Variants in ASZ1 observed in about 807,000 individuals in gnomAD.
ASZ1 encodes ankyrin repeat, SAM and basic leucine zipper domain containing 1.
In ASZ1, 67 loss-of-function variants were observed where a neutral mutation model predicts 61.8. That is an observed-to-expected ratio of 1.08 (90% CI 0.89 to 1.33). The LOEUF is 1.33. Ranked by LOEUF, ASZ1 falls within the 40% of genes most tolerant of loss-of-function variation. The probability of loss-of-function intolerance (pLI) is 0.00; values close to 1 mark genes in which losing one functional copy is unlikely to be tolerated. For synonymous variants in ASZ1, 193 were observed against 192.7 expected, an observed-to-expected ratio of 1.00 and a Z score of -0.01; for missense variants, 577 against 554.5, an observed-to-expected ratio of 1.04 and a Z score of -0.41.
chr7:117,375,901 C>T (rs1450765214), intron 10 of ASZ1, among the ~76,000 whole-genome samples: 2 of 151,974 alleles, frequency 1.3e-5, no homozygotes, highest in African/African-American at 4.8e-5. Flanking sequence ...ATCTAGATTT[C>T]TGCCTCAAGA....
intron 10 of ASZ1, among the ~76,000 whole-genome samples, chr7:117,372,234 G>A (rs1175106419): frequency 6.6e-6 from 1 of 152,154 alleles, no homozygotes; most frequent in Non-Finnish European, 1.5e-5. Context: ...TTTCTACAGA[G>A]CTAACTAGTA....
At position 117,384,781 on chromosome 7, in the gene ASZ1, T is replaced by C; in HGVS notation, c.632A>G (p.Gln211Arg). 6.2e-7 allele frequency: 1 copy of C among 1,612,138 alleles called. No homozygotes were observed. ...LLELGANKMLQTKDGKMPSEI... is the reference protein window; with the variant it reads ...LLELGANKMLRTKDGKMPSEI... ...ACTTGGCATCTTTCCATCTTTGGTT[T>C]GTAGCATTTTATTAGCTCCAAGTTC... The change falls in exon 6 of 13, where the codon CAA (glutamine) becomes CGA (arginine). Residue 211 changes from glutamine to arginine, a missense_variant. Physicochemically the swap from Gln to Arg is conservative, Grantham distance 43. Coordinates refer to ENST00000284629, the MANE Select transcript of ASZ1 (RefSeq NM_130768.3).
In ASZ1 at chr7:117,379,902, C is replaced by T. The variant is rs374967325; in HGVS notation, c.1055+36G>A. ...ACTAAAAAGAACAATTGGTTCTTAA[C>T]ACTATTAATAATATAAACAAATAAG... On this transcript the variant is annotated intron_variant, in intron 10 of 12. Transcript: ENST00000284629. The T allele has an allele frequency of 4.3e-5, 57 of 1,319,806 alleles. No homozygotes were observed. In the African/African-American group the frequency reaches 6.2e-4, roughly 14 times the overall value. 81.8% of individuals were successfully genotyped at this position (1,319,806 alleles called of 1,614,324 possible). A position where few individuals can be genotyped will look rare whatever the true frequency, so the allele number is the denominator to read the frequency against.
chr7:117,412,100 G>A (rs967738827), intron 4 of ASZ1, among the ~76,000 whole-genome samples: 7 of 150,094 alleles, frequency 4.7e-5, no homozygotes, highest in African/African-American at 1.7e-4. Flanking sequence ...CTGTGCATTT[G>A]TATGAAAATG....
At position 117,400,214 on chromosome 7, in the gene ASZ1, A is replaced by G. The variant is rs577934372; in HGVS notation, c.441-14405T>C. ...TAGTTGAGAGATTAATGAAACAACT[A>G]TGATAAAGGAAATTTCGACAATGAT... On this transcript the variant is annotated intron_variant, in intron 4 of 12. Transcript: ENST00000284629. Among the ~76,000 whole-genome samples the G allele has an allele frequency of 7.5e-4, 114 of 152,352 alleles. 2 individuals carry two copies. In the South Asian group the frequency reaches 0.021, roughly 27 times the overall value.
chr7:117,378,789 T>C lies in ASZ1; in HGVS notation c.1055+1149A>G, dbSNP rs528466639. Among the ~76,000 whole-genome samples, 56 of 152,074 alleles carry C rather than the reference T, an allele frequency of 3.7e-4. 2 individuals carry two copies. In the South Asian group the frequency reaches 8.5e-3, roughly 23 times the overall value. ...TAAAATCTACTCAAATGTTCTTCAA[T>C]GGATAAATGGTTAAACAAACTGTGG... On this transcript the variant is annotated intron_variant, in intron 10 of 12. Coordinates refer to ENST00000284629, the MANE Select transcript of ASZ1 (RefSeq NM_130768.3).
intron 4 of ASZ1, among the ~76,000 whole-genome samples, chr7:117,414,492 A>C (rs1796952133): frequency 1.3e-5 from 2 of 152,124 alleles, no homozygotes; most frequent in Non-Finnish European, 2.9e-5. Flanking sequence ...TTAATTATTT[A>C]TTTTTATTAT....
intron 11 of ASZ1, chr7:117,368,184 C>T: frequency 1.1e-6 from 1 of 897,486 alleles, no homozygotes; most frequent in Non-Finnish European, 1.3e-6. Flanking sequence ...ACGTGGGCCT[C>T]CCAAAGTGTT....
At chr7:117,392,142 G>T (rs1396020267) in intron 4 of ASZ1, among the ~76,000 whole-genome samples, 1 of 152,124 alleles carries the variant, frequency 6.6e-6, no homozygotes, top group East Asian at 1.9e-4. Context: ...AAATGACATT[G>T]GTCATTTGAT....
At chr7:117,423,828 C>G (rs1797147956) in intron 2 of ASZ1, among the ~76,000 whole-genome samples, 1 of 150,450 alleles carries the variant, frequency 6.6e-6, no homozygotes, top group Non-Finnish European at 1.5e-5. Flanking sequence ...TGCCACTGCA[C>G]TCCAGCCTGG....
intron 11 of ASZ1, 142 bp from the exon 12 acceptor site, chr7:117,367,607 C>A: frequency 8.7e-7 from 1 of 1,148,866 alleles, no homozygotes. Flanking sequence ...ATACTGACAC[C>A]AAAAATAAGT....
chr7:117,399,880 A>G (rs1311291547), intron 4 of ASZ1, among the ~76,000 whole-genome samples: 1 of 152,230 alleles, frequency 6.6e-6, no homozygotes, highest in Non-Finnish European at 1.5e-5. Flanking sequence ...ACTTAAAAAA[A>G]TAAAAGTTGG....
intron 4 of ASZ1, among the ~76,000 whole-genome samples, chr7:117,397,499 G>C (rs2116495055): frequency 6.6e-6 from 1 of 152,308 alleles, no homozygotes; most frequent in South Asian, 2.1e-4. Flanking sequence ...AAAATATCTA[G>C]TGCTGTCACT....
In ASZ1 at chr7:117,420,222, C is replaced by T. The variant is rs1439375994; in HGVS notation, c.381G>A (p.Gln127=). 4 of 1,612,818 alleles carry T rather than the reference C, an allele frequency of 2.5e-6. No homozygotes were observed. The highest frequency in any genetic ancestry group is 1.3e-5 in the African/African-American group (1 of 75,034). Residue 127 remains glutamine (Q), a synonymous_variant, in exon 4 of 13, where the codon CAG becomes CAA. Transcript: ENST00000284629. ...GTAGTAGTTCTACACACTTCAAGAT[C>T]TGTTCCTCTGAGCCATGAGCAGAAC... is the stretch of plus-strand genomic sequence containing the variant. ...TACSAHGSEE[Q]ILKCVELLLS...
chr7:117,381,028 C>A lies in ASZ1; in HGVS notation c.928G>T (p.Glu310Ter), dbSNP rs1337362084. ...ITLRHLLTMR[E>*]DEFTKNGITS... ...ATACTAACCTTTGTAAATTCATCTT[C>A]CCTCATGGTCAAAAGATGTCTTAAC... The change falls in exon 9 of 13, where the codon GAA becomes TAA. Residue 310 changes from glutamate to a stop codon, truncating the protein, a stop_gained. Coordinates refer to ENST00000284629, the MANE Select transcript of ASZ1 (RefSeq NM_130768.3). LOFTEE classifies it high-confidence loss of function. The A allele has an allele frequency of 3.8e-6, 6 of 1,598,000 alleles. No homozygotes were observed. Among genetic ancestry groups the A allele is most frequent in the Non-Finnish European group, 5.1e-6 (6 of 1,171,556 alleles).
At chr7:117,416,447 T>C (rs915427772) in intron 4 of ASZ1, among the ~76,000 whole-genome samples, 4 of 152,254 alleles carry the variant, frequency 2.6e-5, no homozygotes, top group South Asian at 2.1e-4. Flanking sequence ...ACACTTGTTT[T>C]TCTCAGGCCA....
chr7:117,389,179 T>A (rs1041171313), intron 4 of ASZ1, among the ~76,000 whole-genome samples: 1 of 152,100 alleles, frequency 6.6e-6, no homozygotes, highest in Non-Finnish European at 1.5e-5. Flanking sequence ...GAAGTCTTTT[T>A]TTTTTTTAAG....
At chr7:117,407,083 G>A (rs1303902139) in intron 4 of ASZ1, among the ~76,000 whole-genome samples, 1 of 151,994 alleles carries the variant, frequency 6.6e-6, no homozygotes, top group Admixed American at 6.6e-5. Flanking sequence ...GCACATTAAA[G>A]GCAGGTAGAC....
chr7:117,405,376 T>C (rs1796761779), intron 4 of ASZ1, among the ~76,000 whole-genome samples: 1 of 152,246 alleles, frequency 6.6e-6, no homozygotes, highest in African/African-American at 2.4e-5. Flanking sequence ...TTGTAACTGA[T>C]GCACCCTTGC....
Sources: gnomAD v4.1 joint callset for allele counts (sites outside exome capture counted in the v4.1 genomes callset) on GRCh38, gnomAD v4.1.1 for gene constraint, MANE v1.5 for transcripts, NCBI Gene and HGNC (gene_info 2026-07-23, HGNC 2026-07-21) for gene names.